Variants in MORC2 observed in about 807,000 individuals in gnomAD.
The protein encoded by MORC2 is MORC family CW-type zinc finger 2, also known as ATPase MORC2.
MORC2 carries 30 observed loss-of-function variants against 136.0 expected under a neutral mutation model. The observed-to-expected ratio is 0.22, with a 90% CI of 0.17 to 0.30. The LOEUF is 0.30. MORC2 is among the 10% of genes least tolerant of loss of function. MORC2 has a pLI of 1.00. For synonymous variants in MORC2, 439 were observed against 487.0 expected, an observed-to-expected ratio of 0.90 and a Z score of 1.30; for missense variants, 922 against 1,333.1, an observed-to-expected ratio of 0.69 and a Z score of 4.80.
intron 7 of MORC2, 26 bp from the exon 8 acceptor site, chr22:30,942,028 GC>G (rs2040748961): frequency 6.2e-7 from 1 of 1,610,234 alleles, no homozygotes; most frequent in African/African-American, 1.3e-5. Context: ...CTTTTGTCCT[GC>G]CAGATCCCCC....
rs926555438 is a variant in MORC2, at chr22:30,941,672, G to A, written c.699-114C>T. The A allele has an allele frequency of 5.6e-6, 8 of 1,423,930 alleles. No individual in the cohort carries two copies. In the Admixed American group the frequency reaches 1.0e-4, roughly 19 times the overall value. 88.2% of individuals were successfully genotyped at this position (1,423,930 alleles called of 1,614,324 possible). A position where few individuals can be genotyped will look rare whatever the true frequency, so the allele number is the denominator to read the frequency against. On this transcript the variant is annotated intron_variant, in intron 8 of 25. Transcript: ENST00000397641. This position sits in a 1 kb window ranked among gnomAD's most constrained non-coding sequence, Gnocchi z 4.6. ...CTTTCCATGTTAGGTACTGACTTCT[G>A]CTGCTGCCCTGAACTGGTGCTCCCT...
At chr22:30,965,500 G>T (rs1463568824) in intron 1 of MORC2, among the ~76,000 whole-genome samples, 1 of 152,128 alleles carries the variant, frequency 6.6e-6, no homozygotes, top group East Asian at 1.9e-4. Flanking sequence ...GTTGGTTTAG[G>T]GTTTATACTG....
In MORC2 at chr22:30,936,620, T is replaced by G; in HGVS notation, c.1628A>C (p.Gln543Pro). ...QDRCEASEQK[Q>P]KVPLGTFRKD... is the part of the protein sequence containing the mutation. ...TCTGAATGTTCCCAGGGGAACCTTC[T>G]GCTTTTGTTCAGAAGCCTCACACCT... The change falls in exon 17 of 26, where the codon CAG becomes CCG. Residue 543 changes from glutamine to proline, a missense_variant. Gln to Pro is a moderately conservative substitution (Grantham distance 76). This residue lies in a region of MORC2 where 119 missense variants were observed against 202.7 expected (regional missense o/e 0.59). Transcript: ENST00000397641. The G allele has an allele frequency of 6.2e-7, 1 of 1,614,172 alleles. No homozygotes were observed. Among genetic ancestry groups the G allele is most frequent in the Non-Finnish European group, 8.5e-7 (1 of 1,180,042 alleles).
chr22:30,932,061 G>A lies in MORC2; in HGVS notation c.2841+298C>T. 1 of 316,098 alleles carries A rather than the reference G, an allele frequency of 3.2e-6. No homozygotes were observed. Among genetic ancestry groups the A allele is most frequent in the Non-Finnish European group, 5.9e-6 (1 of 169,066 alleles). The allele number at this position is 316,098 out of a possible 1,614,324, so 19.6% of individuals were successfully genotyped here. A position where few individuals can be genotyped will look rare whatever the true frequency, so the allele number is the denominator to read the frequency against. On this transcript the variant is annotated intron_variant, in intron 24 of 25. Transcript: ENST00000397641. The surrounding 1 kb of genome is among the most constrained non-coding windows in gnomAD (Gnocchi z 4.4). The stretch of plus-strand genomic sequence containing the variant: ...GGGGCAGAAGAAAGTGGGTATGCTT[G>A]TCATAAAATGTCAAACTACACCTGC...
At chr22:30,952,092 A>T (rs994898919) in intron 3 of MORC2, among the ~76,000 whole-genome samples, 10 of 152,216 alleles carry the variant, frequency 6.6e-5, no homozygotes, top group African/African-American at 2.4e-4. Flanking sequence ...CAGTGCCTCT[A>T]ATCAGAGTCT....
In MORC2 at chr22:30,941,743, C is replaced by T. The variant is rs2147265989; in HGVS notation, c.698+148G>A. ...GCCCCTCTCACGTCCTCAGCACAGGCACCCCACAGGCAACTGAGCTGGCCC... is the reference window on the plus strand; with the variant it reads ...GCCCCTCTCACGTCCTCAGCACAGGTACCCCACAGGCAACTGAGCTGGCCC... On this transcript the variant is annotated intron_variant, in intron 8 of 25. Coordinates refer to ENST00000397641, the MANE Select transcript of MORC2 (RefSeq NM_001303256.3). The surrounding 1 kb of genome is among the most constrained non-coding windows in gnomAD (Gnocchi z 4.6). 1 of 1,099,644 alleles carries T rather than the reference C, an allele frequency of 9.1e-7. No individual in the cohort carries two copies. Among genetic ancestry groups the T allele is most frequent in the South Asian group, 1.5e-5 (1 of 68,484 alleles). The allele number at this position is 1,099,644 out of a possible 1,614,324, so 68.1% of individuals were successfully genotyped here. A position where few individuals can be genotyped will look rare whatever the true frequency, so the allele number is the denominator to read the frequency against.
At position 30,927,966 on chromosome 22, in the gene MORC2, C is replaced by T. The variant is rs1401060979; in HGVS notation, c.3030+53G>A. The T allele has an allele frequency of 3.8e-6, 6 of 1,598,578 alleles. No homozygotes were observed. In the Admixed American group the frequency reaches 1.0e-4, roughly 27 times the overall value. On this transcript the variant is annotated intron_variant, in intron 25 of 25. Coordinates refer to ENST00000397641, the MANE Select transcript of MORC2 (RefSeq NM_001303256.3). ...AGAACAGGAACAGGGCCCAGGCCCC[C>T]CTCCCTGAGAGACCAGGTGGTCCAG...
Position 30,953,293 on chromosome 22 carries a change from G to T in MORC2, c.158-2848C>A, listed in dbSNP as rs143350227. On this transcript the variant is annotated intron_variant, in intron 3 of 25. Coordinates refer to ENST00000397641, the MANE Select transcript of MORC2 (RefSeq NM_001303256.3). ...TTCCCCGCCTCCCATCACACATCTT[G>T]AAAGTAAGAGAAGGCAAAGCCGAAC... Among the ~76,000 whole-genome samples the T allele has an allele frequency of 2.1e-3, 320 of 152,318 alleles. 3 individuals carry two copies. Among genetic ancestry groups the T allele is most frequent in the African/African-American group, 7.5e-3 (310 of 41,562 alleles).
At chr22:30,952,396 T>C (rs1461496047) in intron 3 of MORC2, among the ~76,000 whole-genome samples, 3 of 152,242 alleles carry the variant, frequency 2.0e-5, no homozygotes, top group Non-Finnish European at 4.4e-5. Flanking sequence ...AAGAAGTTAC[T>C]TTCTAGGCTC....
Position 30,928,073 on chromosome 22 carries a change from C to G in MORC2, c.2976G>C (p.Glu992Asp). 6.2e-7 allele frequency: 1 copy of G among 1,614,086 alleles called. No individual in the cohort carries two copies. Among genetic ancestry groups the G allele is most frequent in the Non-Finnish European group, 8.5e-7 (1 of 1,180,024 alleles). Reference protein sequence around the residue: ...TSERKLRETEEKLQKLRTNIV... With the variant: ...TSERKLRETEDKLQKLRTNIV... ...TGTTGGTCCTCAGCTTCTGCAGCTT[C>G]TCCTCCGTCTCGCGGAGCTTCCTCT... The change falls in exon 25 of 26, where the codon GAG becomes GAC. Residue 992 changes from glutamate (E) to aspartate (D), a missense_variant. Glu to Asp is a conservative substitution (Grantham distance 45). This residue lies in a region of MORC2 where 263 missense variants were observed against 388.3 expected (regional missense o/e 0.68). Transcript: ENST00000397641.
At chr22:30,960,786 C>T (rs887615139) in intron 1 of MORC2, among the ~76,000 whole-genome samples, 1 of 144,484 alleles carries the variant, frequency 6.9e-6, no homozygotes, top group Non-Finnish European at 1.5e-5. Context: ...CCGCCACACC[C>T]GGCTGGAAAA....
chr22:30,964,973 A>G (rs930174143), intron 1 of MORC2, among the ~76,000 whole-genome samples: 2 of 152,234 alleles, frequency 1.3e-5, no homozygotes, highest in African/African-American at 4.8e-5. Flanking sequence ...TAAGAACTTT[A>G]CAAACATCAT....
At chr22:30,966,459 TAA>T (rs1163256361) in intron 1 of MORC2, among the ~76,000 whole-genome samples, 1 of 152,180 alleles carries the variant, frequency 6.6e-6, no homozygotes, top group Non-Finnish European at 1.5e-5. Flanking sequence ...TCATCATACT[TAA>T]GTGTTAGAAT....
chr22:30,940,396 AC>A (rs1393138073), intron 10 of MORC2, among the ~76,000 whole-genome samples: 2 of 152,098 alleles, frequency 1.3e-5, no homozygotes, highest in African/African-American at 2.4e-5. Context: ...CAGCCGAGAA[AC>A]CCTGAGAAAC....
At position 30,926,285 on chromosome 22, in the gene MORC2, C is replaced by T. The variant is rs2040480554; in HGVS notation, c.*518G>A. On this transcript the variant is annotated 3_prime_UTR_variant, in exon 26 of 26. Transcript: ENST00000397641. Reference sequence around the variant, plus strand: ...ACAGCTGCGAGAGAGAGAGCCCCTCCAATGTGGAACCTCCTACACAGCCCC... The same window carrying T: ...ACAGCTGCGAGAGAGAGAGCCCCTCTAATGTGGAACCTCCTACACAGCCCC... 6.6e-6 allele frequency: 1 copy of T among 152,312 alleles called. No individual in the cohort carries two copies. The highest frequency in any genetic ancestry group is 1.5e-5 in the Non-Finnish European group (1 of 68,174). 9.4% of individuals were successfully genotyped at this position (152,312 alleles called of 1,614,324 possible).
At chr22:30,938,226 AAGC>A in intron 12 of MORC2, 21 bp from the exon 13 acceptor site, 1 of 1,610,976 alleles carries the variant, frequency 6.2e-7, no homozygotes, top group Non-Finnish European at 8.5e-7. Context: ...AAAAAAACTC[AAGC>A]AGATCTACAC....
chr22:30,948,645 AG>A (rs1397848548), intron 5 of MORC2, among the ~76,000 whole-genome samples: 4 of 152,366 alleles, frequency 2.6e-5, no homozygotes, highest in Admixed American at 6.5e-5. Flanking sequence ...TGAAATGCAC[AG>A]CAGCTCCATT....
rs138960296 is a variant in MORC2 at position 30,936,209 on chromosome 22, G to T, written c.1737+302C>A. ...CAAGTTGGAAGGATGTATGGTTAAT[G>T]ATGGTTACCTCTAAGGCAGAATTTT... On this transcript the variant is annotated intron_variant, in intron 17 of 25. Coordinates refer to ENST00000397641, the MANE Select transcript of MORC2 (RefSeq NM_001303256.3). Among the ~76,000 whole-genome samples the T allele has an allele frequency of 7.4e-4, 112 of 152,294 alleles. 1 individual carries two copies. In the East Asian group the frequency reaches 0.015, roughly 20 times the overall value.
rs1317788597 is a variant in MORC2 at position 30,926,251 on chromosome 22, CCA to C, written c.*550_*551del. 6.6e-6 allele frequency: 1 copy of C among 152,298 alleles called. No homozygotes were observed. Among genetic ancestry groups the C allele is most frequent in the Non-Finnish European group, 1.5e-5 (1 of 68,124 alleles). 9.4% of individuals were successfully genotyped at this position (152,298 alleles called of 1,614,324 possible). On this transcript the variant is annotated 3_prime_UTR_variant, in exon 26 of 26. Coordinates refer to ENST00000397641, the MANE Select transcript of MORC2 (RefSeq NM_001303256.3). ...AGCTGTTTGGACGCCACAGCCAGGACCAACTCTGACAGCTGCGAGAGAGAGAG... is the reference window on the plus strand; with the variant it reads ...AGCTGTTTGGACGCCACAGCCAGGACACTCTGACAGCTGCGAGAGAGAGAG...
Sources: gnomAD v4.1 joint callset for allele counts (sites outside exome capture counted in the v4.1 genomes callset) on GRCh38, gnomAD v4.1.1 for gene constraint, gnomAD v4.1.1 regional missense constraint, Gnocchi (gnomAD v3.1) non-coding constraint, MANE v1.5 for transcripts, NCBI Gene and HGNC (gene_info 2026-07-23, HGNC 2026-07-21) for gene names.